LILRA2: variants seen among roughly 807,000 people sequenced by gnomAD.
LILRA2 encodes leukocyte immunoglobulin like receptor A2, also known as leukocyte immunoglobulin-like receptor subfamily A member 2.
In LILRA2, 45 loss-of-function variants were observed where a neutral mutation model predicts 47.9. The ratio of observed to expected loss-of-function variants is 0.94; its 90% CI spans 0.74 to 1.20. The LOEUF is 1.20. LILRA2 is among the 50% of genes most tolerant of loss of function. The pLI is 0.00. For synonymous variants in LILRA2, 279 were observed against 249.2 expected, an observed-to-expected ratio of 1.12 and a Z score of -1.13; for missense variants, 651 against 598.2, an observed-to-expected ratio of 1.09 and a Z score of -0.92.
chr19:54,577,312 A>G (rs1487345047), intron 6 of LILRA2, among the ~76,000 whole-genome samples: 1 of 152,010 alleles, frequency 6.6e-6, no homozygotes, highest in East Asian at 1.9e-4. Flanking sequence ...TGAGTAGAGG[A>G]AGGAGAACAG....
intron 6 of LILRA2, among the ~76,000 whole-genome samples, chr19:54,585,313 C>T (rs1405125920): frequency 6.6e-6 from 1 of 152,214 alleles, no homozygotes; most frequent in African/African-American, 2.4e-5. Flanking sequence ...CTGCTGTCTT[C>T]AGGGCTATCA....
rs1050014803 is a variant in LILRA2, at chr19:54,577,198, C to A, written c.1255+1089C>A. On this transcript the variant is annotated intron_variant, in intron 6 of 7. Coordinates refer to ENST00000391738, the MANE Select transcript of LILRA2 (RefSeq NM_001130917.3). Reference sequence around the variant, plus strand: ...ACCCCGCTGGTTGAGAGTCTCCCCTCTCTCGTGTACAAGAGAAAATGTCTC... The same window carrying A: ...ACCCCGCTGGTTGAGAGTCTCCCCTATCTCGTGTACAAGAGAAAATGTCTC... Among the ~76,000 whole-genome samples the A allele has an allele frequency of 2.1e-3, 322 of 151,128 alleles. No individual in the cohort carries two copies. In the South Asian group the frequency reaches 0.046, roughly 22 times the overall value.
Position 54,575,929 on chromosome 19 carries a change from G to T in LILRA2, c.1075G>T (p.Gly359Trp), listed in dbSNP as rs377346017. The T allele has an allele frequency of 1.2e-5, 19 of 1,613,978 alleles. No individual in the cohort carries two copies. In the South Asian group the frequency reaches 1.8e-4, roughly 15 times the overall value. ...QFHTFLLTKEGAGHPPLHLRS... is the reference protein window; with the variant it reads ...QFHTFLLTKEWAGHPPLHLRS... ...CCACACTTTCCTTCTGACCAAGGAG[G>T]GGGCAGGCCATCCCCCACTGCATCT... Residue 359 changes from glycine (G) to tryptophan (W), a missense_variant, in exon 6 of 8, where the codon GGG (glycine) becomes TGG (tryptophan). Transcript: ENST00000391738.
chr19:54,574,386 C>G lies in LILRA2; in HGVS notation c.156C>G (p.Ser52Arg). The part of the protein sequence containing the change: ...GSPVTLRCQG[S>R]LQAEEYHLYR... ...CTGTGACCCTCAGGTGTCAGGGGAG[C>G]CTTCAGGCTGAGGAGTACCATCTAT... is the stretch of plus-strand genomic sequence containing the variant. The change falls in exon 3 of 8, where the codon AGC becomes AGG. Residue 52 changes from serine to arginine, a missense_variant. Ser to Arg is a moderately radical substitution (Grantham distance 110, BLOSUM62 -1). Transcript: ENST00000391738. 1.2e-6 allele frequency: 2 copies of G among 1,614,178 alleles called. No homozygotes were observed. The highest frequency in any genetic ancestry group is 1.7e-6 in the Non-Finnish European group (2 of 1,180,024).
rs1241090751 is a variant in LILRA2 at position 54,590,007 on chromosome 19, C to T, written c.*2661C>T. The T allele has an allele frequency of 4.6e-5, 7 of 152,102 alleles. No individual in the cohort carries two copies. The highest frequency in any genetic ancestry group is 4.6e-4 in the Admixed American group (7 of 15,276). The allele number at this position is 152,102 out of a possible 1,614,324, so 9.4% of individuals were successfully genotyped here. A position where few individuals can be genotyped will look rare whatever the true frequency, so the allele number is the denominator to read the frequency against. ...ATTACTTTGTATCTATTCTAGATATCGTTTGCTCTATCATAGTTAAGACAT... is the reference window on the plus strand; with the variant it reads ...ATTACTTTGTATCTATTCTAGATATTGTTTGCTCTATCATAGTTAAGACAT... On this transcript the variant is annotated 3_prime_UTR_variant, in exon 8 of 8. Coordinates refer to ENST00000391738, the MANE Select transcript of LILRA2 (RefSeq NM_001130917.3).
rs530543414 is a variant in LILRA2, at chr19:54,586,877, C to A, written c.1256-133C>A. ...ATTCAATGAGGAGACTGGAGGGAAC[C>A]CTGCTACAGCAGAGGAAGGGTTTAT... On this transcript the variant is annotated intron_variant, in intron 6 of 7. Coordinates refer to ENST00000391738, the MANE Select transcript of LILRA2 (RefSeq NM_001130917.3). 6.9e-3 allele frequency: 4,030 copies of A among 588,056 alleles called. No individual in the cohort carries two copies. In the South Asian group the frequency reaches 0.075, roughly 11 times the overall value. The allele number at this position is 588,056 out of a possible 1,614,324, so 36.4% of individuals were successfully genotyped here.
chr19:54,582,114 A>T (rs2062657102), intron 6 of LILRA2, among the ~76,000 whole-genome samples: 1 of 152,146 alleles, frequency 6.6e-6, no homozygotes, highest in Admixed American at 6.5e-5. Flanking sequence ...CTTGCATCCC[A>T]GGGATGAAGC....
chr19:54,574,137 G>A (rs768548832), intron 2 of LILRA2, 26 bp downstream of exon 2: 155 of 1,614,168 alleles, frequency 9.6e-5, no homozygotes, highest in Non-Finnish European at 1.2e-4. Flanking sequence ...GCTGTCCCAG[G>A]TCCCTCCTCC....
In LILRA2 at chr19:54,587,556, A is replaced by G. The variant is rs1175842452; in HGVS notation, c.*210A>G. 4 of 888,782 alleles carry G rather than the reference A, an allele frequency of 4.5e-6. No individual in the cohort carries two copies. In the African/African-American group the frequency reaches 5.1e-5, roughly 11 times the overall value. The allele number at this position is 888,782 out of a possible 1,614,324, so 55.1% of individuals were successfully genotyped here. A position where few individuals can be genotyped will look rare whatever the true frequency, so the allele number is the denominator to read the frequency against. The stretch of plus-strand genomic sequence containing the variant: ...TAAACTGTGGTACATTTTTTTGTCT[A>G]TGAATGTTGACTTCCCTTGACTGGA... On this transcript the variant is annotated 3_prime_UTR_variant, in exon 8 of 8. Coordinates refer to ENST00000391738, the MANE Select transcript of LILRA2 (RefSeq NM_001130917.3).
chr19:54,575,005 C>T lies in LILRA2; in HGVS notation c.627C>T (p.Pro209=). The T allele has an allele frequency of 6.2e-7, 1 of 1,614,106 alleles. No homozygotes were observed. The highest frequency in any genetic ancestry group is 1.1e-5 in the South Asian group (1 of 91,090). ...DSNSPYVWSL[P]SDLLELLVPG... ...ACTCTCCCTATGTGTGGTCTCTACC[C>T]AGTGATCTCCTGGAGCTCCTGGTCC... is the stretch of plus-strand genomic sequence containing the variant. The change falls in exon 4 of 8, where the codon CCC becomes CCT. Residue 209 remains proline (P), a synonymous_variant. Coordinates refer to ENST00000391738, the MANE Select transcript of LILRA2 (RefSeq NM_001130917.3).
In LILRA2 at chr19:54,574,521, T is replaced by A; in HGVS notation, c.291T>A (p.Cys97Ter). Residue 97 changes from cysteine to a stop codon, truncating the protein, a stop_gained, in exon 3 of 8, where the codon TGT becomes TGA. Coordinates refer to ENST00000391738, the MANE Select transcript of LILRA2 (RefSeq NM_001130917.3). LOFTEE classifies it high-confidence loss of function. ...ITWEHAGRYH[C>*]QYYSHNHSSE... ...GGGAACACGCAGGGCGGTATCACTG[T>A]CAGTACTACAGCCACAATCACTCAT... 6.3e-7 allele frequency: 1 copy of A among 1,595,298 alleles called. No homozygotes were observed. Among genetic ancestry groups the A allele is most frequent in the Non-Finnish European group, 8.6e-7 (1 of 1,162,638 alleles).
At position 54,575,522 on chromosome 19, in the gene LILRA2, C is replaced by G. The variant is rs761249610; in HGVS notation, c.922C>G (p.Pro308Ala). 4 of 1,612,308 alleles carry G rather than the reference C, an allele frequency of 2.5e-6. No individual in the cohort carries two copies. Among genetic ancestry groups the G allele is most frequent in the East Asian group, 4.5e-5 (2 of 44,888 alleles). ...CAACCTCTCCTCCGAGTGGTCGGCCCCCAGTGACCCCCTGGACATCCTGAT... is the reference window on the plus strand; with the variant it reads ...CAACCTCTCCTCCGAGTGGTCGGCCGCCAGTGACCCCCTGGACATCCTGAT... Reference protein sequence around the residue: ...AHNLSSEWSAPSDPLDILITG... With the variant: ...AHNLSSEWSAASDPLDILITG... The change falls in exon 5 of 8, where the codon CCC becomes GCC. Residue 308 changes from proline to alanine, a missense_variant. Pro to Ala is a conservative substitution (Grantham distance 27). Transcript: ENST00000391738.
At chr19:54,575,747 G>A (rs1387228655) in intron 5 of LILRA2, 60 bp from the exon 6 acceptor site, 3 of 1,606,180 alleles carry the variant, frequency 1.9e-6, no homozygotes, top group African/African-American at 2.7e-5. Context: ...GGAGAGGCCT[G>A]GGGAGGTCTC....
intron 6 of LILRA2, among the ~76,000 whole-genome samples, chr19:54,584,399 T>C (rs1220373120): frequency 6.6e-6 from 1 of 152,222 alleles, no homozygotes; most frequent in Non-Finnish European, 1.5e-5. Context: ...CTCGTCACTT[T>C]CCGGTACACT....
At chr19:54,573,221 G>A (rs1403290172), upstream of LILRA2, 1 of 459,282 alleles carries the variant, frequency 2.2e-6, no homozygotes, top group East Asian at 4.3e-5. Context: ...CTGGCCTCTA[G>A]CCTTCACCCA....
intron 2 of LILRA2, 72 bp from the exon 3 acceptor site, chr19:54,574,229 G>C (rs1393695408): frequency 6.2e-7 from 1 of 1,613,808 alleles, no homozygotes. Flanking sequence ...GTGTCTGGAG[G>C]GTCCTGCAGC....
At chr19:54,578,102 T>G (rs1431652924) in intron 6 of LILRA2, among the ~76,000 whole-genome samples, 1 of 150,678 alleles carries the variant, frequency 6.6e-6, no homozygotes, top group Non-Finnish European at 1.5e-5. Flanking sequence ...AATTGATAAG[T>G]GAGGTATTTG....
chr19:54,588,645 T>A lies in LILRA2; in HGVS notation c.*1299T>A, dbSNP rs914374081. 1 of 151,728 alleles carries A rather than the reference T, an allele frequency of 6.6e-6. No homozygotes were observed. Among genetic ancestry groups the A allele is most frequent in the Admixed American group, 6.6e-5 (1 of 15,244 alleles). 9.4% of individuals were successfully genotyped at this position (151,728 alleles called of 1,614,324 possible). ...ATCCAAGTACAACATAAGAAAAATG[T>A]TAACAGAACTATGCAGTTTCGATGA... On this transcript the variant is annotated 3_prime_UTR_variant, in exon 8 of 8. Coordinates refer to ENST00000391738, the MANE Select transcript of LILRA2 (RefSeq NM_001130917.3).
chr19:54,574,175 G>A (rs1171652531), intron 2 of LILRA2, 64 bp downstream of exon 2: 4 of 1,614,124 alleles, frequency 2.5e-6, no homozygotes, highest in Non-Finnish European at 3.4e-6. Flanking sequence ...CCACCCCCGT[G>A]CAGCTGGGGA....
Sources: gnomAD v4.1 joint callset for allele counts (sites outside exome capture counted in the v4.1 genomes callset) on GRCh38, gnomAD v4.1.1 for gene constraint, MANE v1.5 for transcripts, NCBI Gene and HGNC (gene_info 2026-07-23, HGNC 2026-07-21) for gene names.